The following SLC9A3 variants were observed in gnomAD, a reference collection of about 807,000 sequenced individuals.
SLC9A3 encodes sodium/hydrogen exchanger 3.
A neutral mutation model predicts 86.8 loss-of-function variants in SLC9A3; 37 were observed. The observed-to-expected ratio is 0.43, with a 90% CI of 0.33 to 0.56. The LOEUF (loss-of-function observed/expected upper bound fraction) is 0.56. Among genes scored for constraint, SLC9A3 ranks in the 20% least tolerant of loss-of-function variants. The pLI, the probability that SLC9A3 is intolerant of heterozygous loss-of-function variation, is 0.06. For missense variants in SLC9A3, 1,011 were observed against 1,171.9 expected (o/e 0.86, Z 2.00); for synonymous variants, 581 against 528.3 (o/e 1.10, Z -1.37).
At chr5:500,091 C>CTAA (rs1366973578) in intron 1 of SLC9A3, among the ~76,000 whole-genome samples, 2 of 152,280 alleles carry the variant, frequency 1.3e-5, no homozygotes, top group African/African-American at 4.8e-5. Context: ...GTCCACCGCA[C>CTAA]TGACTGCGGC....
chr5:508,781 TA>T lies in SLC9A3; in HGVS notation c.211+15330del, dbSNP rs567607041. The stretch of plus-strand genomic sequence containing the variant: ...GGAGTCACACATGAGAACTAAAGTT[TA>T]AAACTCAACAGAGGATTGAAAGAGG... On this transcript the variant is annotated intron_variant, in intron 1 of 16. Coordinates refer to ENST00000264938, the MANE Select transcript of SLC9A3 (RefSeq NM_004174.4). 4.3e-3 allele frequency among the ~76,000 whole-genome samples: 658 copies of T among 152,294 alleles called. 4 individuals carry two copies. The highest frequency in any genetic ancestry group is 3.7e-3 in the Non-Finnish European group (249 of 68,018).
chr5:504,009 C>T (rs1740427838), intron 1 of SLC9A3, among the ~76,000 whole-genome samples: 1 of 151,614 alleles, frequency 6.6e-6, no homozygotes, highest in Non-Finnish European at 1.5e-5. Context: ...CCTCTCTTCT[C>T]TCTTGCCCTT....
At chr5:485,592 C>G (rs577840053) in intron 3 of SLC9A3, among the ~76,000 whole-genome samples, 1 of 152,402 alleles carries the variant, frequency 6.6e-6, no homozygotes, top group Admixed American at 6.5e-5. Context: ...TGTGCTGGCT[C>G]TAGCCCCTGC....
At chr5:480,043 C>T in intron 9 of SLC9A3, 78 bp from the exon 10 acceptor site, 2 of 1,529,294 alleles carry the variant, frequency 1.3e-6, no homozygotes, top group Non-Finnish European at 1.8e-6. Context: ...CCGGCCCCTT[C>T]TCTCCTGAAT....
At chr5:493,578 G>A (rs533957874) in intron 1 of SLC9A3, among the ~76,000 whole-genome samples, 12 of 152,340 alleles carry the variant, frequency 7.9e-5, no homozygotes, top group Admixed American at 1.3e-4. Flanking sequence ...CAAATACCAC[G>A]GGTGGCATGG....
intron 1 of SLC9A3, among the ~76,000 whole-genome samples, chr5:492,855 C>A (rs1162745713): frequency 6.6e-6 from 1 of 152,088 alleles, no homozygotes; most frequent in Admixed American, 6.6e-5. Context: ...GAGGCTGTGG[C>A]CCCCTCTCCT....
intron 1 of SLC9A3, among the ~76,000 whole-genome samples, chr5:523,064 G>A (rs1010252982): frequency 6.6e-6 from 1 of 152,220 alleles, no homozygotes; most frequent in Non-Finnish European, 1.5e-5. Context: ...GGGAGGAGGC[G>A]GGAGGGCTCA....
chr5:494,437 G>C (rs1052281913), intron 1 of SLC9A3, among the ~76,000 whole-genome samples: 6 of 152,194 alleles, frequency 3.9e-5, no homozygotes, highest in Admixed American at 3.9e-4. Flanking sequence ...CTCCACAGCC[G>C]GGACTCAGCA....
rs369450763 is a variant in SLC9A3 at position 479,953 on chromosome 5, G to A, written c.1530C>T (p.Phe510=). 3.0e-5 allele frequency: 49 copies of A among 1,613,808 alleles called. No individual in the cohort carries two copies. In the African/African-American group the frequency reaches 3.1e-4, roughly 10 times the overall value. The change falls in exon 10 of 17, where the codon TTC becomes TTT. Residue 510 remains phenylalanine, a synonymous_variant. Transcript: ENST00000264938. Reference sequence around the variant, plus strand: ...GGACCCTGCTGAGGAACTTCCTGTCGAAGTGGGACCACCTGTAGGGACAGA... The same window carrying A: ...GGACCCTGCTGAGGAACTTCCTGTCAAAGTGGGACCACCTGTAGGGACAGA... The part of the protein sequence containing the change: ...HNYLRDKWSH[F]DRKFLSRVLM...
At chr5:480,364 T>G in intron 9 of SLC9A3, 1 of 171,052 alleles carries the variant, frequency 5.8e-6, no homozygotes, top group Non-Finnish European at 1.3e-5. Flanking sequence ...TTTTTTAGCC[T>G]AACGGAATTA....
rs1467856829 is a variant in SLC9A3, at chr5:475,272, C to T, written c.2252-140G>A. ...TTAGGGTCACGTGCCTTTCAGGTTG[C>T]GGGCCCTTCCCCCACATCCATGACC... On this transcript the variant is annotated intron_variant, in intron 15 of 16. Transcript: ENST00000264938. The T allele has an allele frequency of 1.3e-5, 11 of 844,628 alleles. No individual in the cohort carries two copies. The East Asian group carries it at 2.5e-4, about 19-fold the overall frequency. 52.3% of individuals were successfully genotyped at this position (844,628 alleles called of 1,614,324 possible).
intron 5 of SLC9A3, among the ~76,000 whole-genome samples, chr5:483,716 A>G (rs1367209500): frequency 1.3e-5 from 2 of 152,274 alleles, no homozygotes; most frequent in African/African-American, 4.8e-5. Context: ...GCTGCCTGCC[A>G]GCAGGGAGGG....
Position 475,616 on chromosome 5 carries a change from C to T in SLC9A3, c.2196G>A (p.Gly732=). 2.6e-6 allele frequency: 4 copies of T among 1,552,826 alleles called. No homozygotes were observed. Among genetic ancestry groups the T allele is most frequent in the South Asian group, 1.2e-5 (1 of 84,172 alleles). The part of the protein sequence containing the change: ...EPPNYDEEMS[G]GIEFLASVTK... The stretch of plus-strand genomic sequence containing the variant: ...TGACACTAGCCAGGAACTCGATCCC[C>T]CCACTCATCTCCTCATCATAGTTGG... Residue 732 remains glycine (G), a synonymous_variant, in exon 15 of 17, where the codon GGG becomes GGA. Transcript: ENST00000264938.
At position 473,188 on chromosome 5, in the gene SLC9A3, GC is replaced by G; in HGVS notation, c.*190del. On this transcript the variant is annotated 3_prime_UTR_variant, in exon 17 of 17. Transcript: ENST00000264938. Reference sequence around the variant, plus strand: ...GGCCCCGCCCCCGGCTCGCCCTCGGGCGGCTCTGCGGGCGCAGGCGCGGCAC... The same window carrying G: ...GGCCCCGCCCCCGGCTCGCCCTCGGGGGCTCTGCGGGCGCAGGCGCGGCAC... The G allele has an allele frequency of 2.3e-6, 1 of 439,372 alleles. No individual in the cohort carries two copies. Among genetic ancestry groups the G allele is most frequent in the South Asian group, 1.2e-4 (1 of 8,128 alleles). The allele number at this position is 439,372 out of a possible 1,614,324, so 27.2% of individuals were successfully genotyped here. A position where few individuals can be genotyped will look rare whatever the true frequency, so the allele number is the denominator to read the frequency against.
intron 2 of SLC9A3, among the ~76,000 whole-genome samples, chr5:489,287 C>T (rs989109290): frequency 2.0e-5 from 3 of 151,892 alleles, no homozygotes; most frequent in African/African-American, 7.2e-5. Flanking sequence ...GACCAGGAGA[C>T]GCCAGGGCCG....
intron 1 of SLC9A3, among the ~76,000 whole-genome samples, chr5:522,990 C>T (rs959665633): frequency 1.4e-4 from 22 of 152,234 alleles, no homozygotes; most frequent in African/African-American, 5.1e-4. Context: ...CAGCCTGAGC[C>T]TGGAGAGCAG....
At chr5:513,684 A>G (rs1213273984) in intron 1 of SLC9A3, among the ~76,000 whole-genome samples, 2 of 152,176 alleles carry the variant, frequency 1.3e-5, no homozygotes, top group African/African-American at 4.8e-5. Context: ...CGTGCTCCTC[A>G]GGGGCCCAGG....
chr5:475,737 A>C (rs139021838), intron 14 of SLC9A3, 66 bp from the exon 15 acceptor site: 1 of 892,604 alleles, frequency 1.1e-6, no homozygotes, highest in African/African-American at 1.6e-5. Flanking sequence ...CCCAGTCAGC[A>C]GTGTCCATCA....
intron 15 of SLC9A3, 175 bp from the exon 16 acceptor site, chr5:475,307 A>G (rs1738649659): frequency 7.6e-6 from 5 of 654,958 alleles, no homozygotes; most frequent in Admixed American, 2.9e-5. Flanking sequence ...CCCACACGCC[A>G]CAGGCAGCAC....
Sources: gnomAD v4.1 joint callset for allele counts (sites outside exome capture counted in the v4.1 genomes callset) on GRCh38, gnomAD v4.1.1 for gene constraint, MANE v1.5 for transcripts, NCBI Gene and HGNC (gene_info 2026-07-23, HGNC 2026-07-21) for gene names.